Variants in TTN observed in about 807,000 individuals in gnomAD.
TTN encodes titin.
TTN carries 1,525 observed loss-of-function variants against 3,223.0 expected under a neutral mutation model. That is an observed-to-expected ratio of 0.47 (90% CI 0.45 to 0.49). TTN has a LOEUF of 0.49. Among genes scored for constraint, TTN ranks in the 20% least tolerant of loss-of-function variants. TTN has a pLI of 0.00. For synonymous variants in TTN, 14,094 were observed against 15,161.0 expected (o/e 0.93, Z 5.17); for missense variants, 40,786 against 43,424.0 (o/e 0.94, Z 5.40).
rs766440492 is a variant in TTN, at chr2:178,527,676, G to A, written c.107450C>T (p.Ser35817Leu). Residue 35817 changes from serine to leucine, a missense_variant, in exon 362 of 363, where the codon TCG (serine) becomes TTG (leucine). Coordinates refer to ENST00000589042, the MANE Select transcript of TTN (RefSeq NM_001267550.2). The stretch of plus-strand genomic sequence containing the variant: ...GGCAGACATTTGGACTGACTGAGAC[G>A]AGAAGCTTCCTTGCAAGCTTGTGTC... Reference protein sequence around the residue: ...SGDTSLQGSFSSQSVQMSASK... With the variant: ...SGDTSLQGSFLSQSVQMSASK... 6.6e-5 allele frequency: 107 copies of A among 1,613,330 alleles called. No homozygotes were observed. Among genetic ancestry groups the A allele is most frequent in the Non-Finnish European group, 8.3e-5 (98 of 1,179,478 alleles).
Position 178,581,550 on chromosome 2 carries a change from A to T in TTN, c.66718T>A (p.Tyr22240Asn). The T allele has an allele frequency of 6.2e-7, 1 of 1,611,996 alleles. No homozygotes were observed. The highest frequency in any genetic ancestry group is 8.5e-7 in the Non-Finnish European group (1 of 1,178,678). Residue 22240 changes from tyrosine to asparagine, a missense_variant, in exon 316 of 363, where the codon TAC becomes AAC. Transcript: ENST00000589042. ...TCTGGCACATCACTGGGGTCACTGT[A>T]TCCAATCTTATTAACGGCATACACA... ...FRVYAVNKIG[Y>N]SDPSDVPDKH... is the part of the protein sequence containing the mutation.
rs1197029579 is a variant in TTN, at chr2:178,564,260, T to C, written c.81872A>G (p.Glu27291Gly). The C allele has an allele frequency of 6.2e-7, 1 of 1,613,310 alleles. No individual in the cohort carries two copies. The highest frequency in any genetic ancestry group is 2.2e-5 in the East Asian group (1 of 44,852). Residue 27291 changes from glutamate to glycine, a missense_variant, in exon 326 of 363, where the codon GAG becomes GGG. Coordinates refer to ENST00000589042, the MANE Select transcript of TTN (RefSeq NM_001267550.2). ...GATGTCGGCTTCAAGAACAAAAGTC[T>C]CTCCTGCATGAACAACGATGACATC... is the stretch of plus-strand genomic sequence containing the variant. The part of the protein sequence containing the change: ...YKDVIVVHAG[E>G]TFVLEADIRG...
chr2:178,762,057 A>G (rs2089356079), intron 43 of TTN, among the ~76,000 whole-genome samples: 1 of 152,160 alleles, frequency 6.6e-6, no homozygotes, highest in African/African-American at 2.4e-5. Context: ...GCCACGTTTC[A>G]TGCTTCAGAA....
chr2:178,764,437 C>T (rs994547213), intron 42 of TTN, 90 bp downstream of exon 42: 16 of 1,610,970 alleles, frequency 9.9e-6, no homozygotes, highest in Non-Finnish European at 1.4e-5. Context: ...CTTTTATGAG[C>T]TCCAAATTGT....
intron 45 of TTN, among the ~76,000 whole-genome samples, chr2:178,757,175 C>CT (rs879685966): frequency 6.7e-6 from 1 of 149,616 alleles, no homozygotes; most frequent in Admixed American, 6.6e-5. Flanking sequence ...TAATACTGTA[C>CT]TTACTTTAAG....
intron 43 of TTN, 152 bp downstream of exon 43, chr2:178,764,025 T>C: frequency 8.6e-7 from 1 of 1,156,642 alleles, no homozygotes; most frequent in Non-Finnish European, 1.3e-6. Flanking sequence ...TAATTCTTAA[T>C]TTAATAATTG....
intron 15 of TTN, among the ~76,000 whole-genome samples, chr2:178,784,839 C>T (rs574154182): frequency 2.0e-5 from 3 of 152,236 alleles, no homozygotes; most frequent in Non-Finnish European, 4.4e-5. Context: ...TTAAAGGTTT[C>T]CTTACTGCTT....
chr2:178,570,007 A>C lies in TTN; in HGVS notation c.76125T>G (p.Tyr25375Ter). 6.2e-7 allele frequency: 1 copy of C among 1,613,094 alleles called. No individual in the cohort carries two copies. Among genetic ancestry groups the C allele is most frequent in the South Asian group, 1.1e-5 (1 of 91,036 alleles). Residue 25375 changes from tyrosine to a stop codon, truncating the protein, a stop_gained, in exon 326 of 363, where the codon TAT becomes TAG. Transcript: ENST00000589042. LOFTEE classifies it high-confidence loss of function. Reference protein sequence around the residue: ...RVTGLIENHDYEFRVSAENAA... With the variant: ...RVTGLIENHD ...CATTCTCAGCAGAAACTCTGAACTC[A>C]TAATCGTGATTTTCTATGAGTCCAG...
At position 178,713,170 on chromosome 2, in the gene TTN, C is replaced by T. The variant is rs1560588346; in HGVS notation, c.26964G>A (p.Leu8988=). 6.2e-7 allele frequency: 1 copy of T among 1,613,722 alleles called. No individual in the cohort carries two copies. The highest frequency in any genetic ancestry group is 8.5e-7 in the Non-Finnish European group (1 of 1,179,758). Reference sequence around the variant, plus strand: ...TGTAGTCACCACTGTCTGATTCTTCCAGCATGTTCACAGTTAAAGCACAAG... The same window carrying T: ...TGTAGTCACCACTGTCTGATTCTTCTAGCATGTTCACAGTTAAAGCACAAG... ...DNTCALTVNM[L]EESDSGDYTC... The change falls in exon 93 of 363, where the codon CTG becomes CTA. Residue 8988 remains leucine, a synonymous_variant. Coordinates refer to ENST00000589042, the MANE Select transcript of TTN (RefSeq NM_001267550.2).
At position 178,602,068 on chromosome 2, in the gene TTN, G is replaced by A. The variant is rs761599736; in HGVS notation, c.55203C>T (p.Val18401=). 1.2e-6 allele frequency: 2 copies of A among 1,612,632 alleles called. No homozygotes were observed. Among genetic ancestry groups the A allele is most frequent in the Non-Finnish European group, 1.7e-6 (2 of 1,179,228 alleles). The change falls in exon 284 of 363, where the codon GTC becomes GTT. Residue 18401 remains valine, a synonymous_variant. Coordinates refer to ENST00000589042, the MANE Select transcript of TTN (RefSeq NM_001267550.2). ...ATTTTGGTGTTGGGCGTCCCTTGAT[G>A]ACAGCAGGAATCCTAATCTGTGAGC... ...KAGSQIRIPA[V]IKGRPTPKSS... is the part of the protein sequence containing the mutation.
At chr2:178,645,406 A>G (rs984567822) in intron 217 of TTN, among the ~76,000 whole-genome samples, 5 of 151,984 alleles carry the variant, frequency 3.3e-5, no homozygotes, top group African/African-American at 1.2e-4. Flanking sequence ...AGTCATTCAT[A>G]TGCTTTCCTT....
chr2:178,617,256 T>G, intron 254 of TTN, 22 bp from the exon 255 acceptor site: 1 of 1,536,138 alleles, frequency 6.5e-7, no homozygotes, highest in Non-Finnish European at 8.7e-7. Flanking sequence ...AATTAATATT[T>G]GTAAAAAACA....
Position 178,711,189 on chromosome 2 carries a change from T to G in TTN, c.28047A>C (p.Thr9349=). 1 of 1,613,858 alleles carries G rather than the reference T, an allele frequency of 6.2e-7. No individual in the cohort carries two copies. The highest frequency in any genetic ancestry group is 8.5e-7 in the Non-Finnish European group (1 of 1,179,802). Residue 9349 remains threonine, a synonymous_variant, in exon 97 of 363, where the codon ACA becomes ACC. Coordinates refer to ENST00000589042, the MANE Select transcript of TTN (RefSeq NM_001267550.2). The stretch of plus-strand genomic sequence containing the variant: ...GTGTGGCTGTATTGTCTAAAAATGA[T>G]GTTTGTACATTTGGGCTGTCTTTCA... ...KPLKDSPNVQ[T]SFLDNTATLN...
intron 13 of TTN, among the ~76,000 whole-genome samples, chr2:178,788,364 A>G (rs2093317063): frequency 6.6e-6 from 1 of 152,242 alleles, no homozygotes; most frequent in Non-Finnish European, 1.5e-5. Context: ...TCATGACAAA[A>G]TTTGAATGGA....
chr2:178,676,541 T>G (rs954985126), intron 147 of TTN, among the ~76,000 whole-genome samples: 1 of 151,896 alleles, frequency 6.6e-6, no homozygotes, highest in African/African-American at 2.4e-5. Context: ...ATACTATTCA[T>G]TCAATGATAG....
In TTN at chr2:178,713,195, GTAT is replaced by G. The variant is rs1560588602; in HGVS notation, c.26936_26938del (p.Asn8979del). On this transcript the variant is annotated inframe_deletion, in exon 93 of 363. Transcript: ENST00000589042. ...CAGCATGTTCACAGTTAAAGCACAA[GTAT>G]TATCTGTCAGGGTGGTCTGGTATTT... is the stretch of plus-strand genomic sequence containing the variant. 2 of 1,613,688 alleles carry G rather than the reference GTAT, an allele frequency of 1.2e-6. No homozygotes were observed. Among genetic ancestry groups the G allele is most frequent in the Non-Finnish European group, 1.7e-6 (2 of 1,179,746 alleles).
At chr2:178,688,965 G>A (rs1289745678) in intron 125 of TTN, 88 bp downstream of exon 125, 19 of 1,361,008 alleles carry the variant, frequency 1.4e-5, no homozygotes, top group Non-Finnish European at 2.0e-5. Context: ...TATAAGCACA[G>A]ACCAGATGGA....
rs1470927227 is a variant in TTN, at chr2:178,553,785, C to T, written c.89220G>A (p.Lys29740=). 5 of 1,601,270 alleles carry T rather than the reference C, an allele frequency of 3.1e-6. No individual in the cohort carries two copies. The African/African-American group carries it at 5.4e-5, about 17-fold the overall frequency. The part of the protein sequence containing the change: ...DPIDPPGPPA[K]IRIADSTKSS... The stretch of plus-strand genomic sequence containing the variant: ...ACTTGGTTGAATCTGCGATTCTTAT[C>T]TTAGCAGGTGGACCTGGAGGATCTG... The change falls in exon 334 of 363, where the codon AAG becomes AAA. Residue 29740 remains lysine, a synonymous_variant. Transcript: ENST00000589042.
chr2:178,578,747 A>G, intron 320 of TTN, 32 bp from the exon 321 acceptor site: 1 of 1,603,338 alleles, frequency 6.2e-7, no homozygotes, highest in East Asian at 2.2e-5. Context: ...AAGATTTATA[A>G]TAAGAAGCCT....
Sources: gnomAD v4.1 joint callset for allele counts (sites outside exome capture counted in the v4.1 genomes callset) on GRCh38, gnomAD v4.1.1 for gene constraint, MANE v1.5 for transcripts, NCBI Gene and HGNC (gene_info 2026-07-23, HGNC 2026-07-21) for gene names.